EBF2: variants seen among roughly 807,000 people sequenced by gnomAD.
The protein encoded by EBF2 is transcription factor COE2.
A neutral mutation model predicts 72.8 loss-of-function variants in EBF2; 21 were observed. The ratio of observed to expected loss-of-function variants is 0.29; its 90% CI spans 0.20 to 0.42. EBF2 has a LOEUF of 0.42. Ranked by LOEUF, EBF2 falls within the 10% of genes least tolerant of loss-of-function variation. The pLI is 1.00. For synonymous variants in EBF2, 299 were observed against 274.2 expected (o/e 1.09, Z -0.89); for missense variants, 637 against 731.2 (o/e 0.87, Z 1.49).
intron 6 of EBF2, among the ~76,000 whole-genome samples, chr8:26,020,987 G>T (rs1805195660): frequency 6.6e-6 from 1 of 152,192 alleles, no homozygotes; most frequent in Admixed American, 6.5e-5. Context: ...TTAACTCTGT[G>T]CAATTTATCA....
chr8:25,966,389 T>C (rs1804115807), intron 6 of EBF2, among the ~76,000 whole-genome samples: 1 of 152,226 alleles, frequency 6.6e-6, no homozygotes, highest in Non-Finnish European at 1.5e-5. Context: ...ATCCCAAGCC[T>C]GTTCCTAGAA....
intron 7 of EBF2, among the ~76,000 whole-genome samples, chr8:25,894,069 T>C (rs1225476625): frequency 6.6e-6 from 1 of 152,172 alleles, no homozygotes; most frequent in Non-Finnish European, 1.5e-5. Flanking sequence ...ATATCTCAGA[T>C]GGTGAGGTAG....
chr8:26,040,230 C>T, intron 4 of EBF2, 129 bp from the exon 5 acceptor site: 1 of 990,382 alleles, frequency 1.0e-6, no homozygotes. Context: ...GAATTCCCGC[C>T]CGCAGCACAT....
chr8:26,028,136 C>T (rs1407415960), intron 6 of EBF2, among the ~76,000 whole-genome samples: 1 of 152,114 alleles, frequency 6.6e-6, no homozygotes, highest in African/African-American at 2.4e-5. Context: ...TATTTTACCA[C>T]AATTAATTTT....
At chr8:26,042,748 A>G (rs927166573) in intron 1 of EBF2, among the ~76,000 whole-genome samples, 3 of 152,224 alleles carry the variant, frequency 2.0e-5, no homozygotes, top group African/African-American at 7.2e-5. Flanking sequence ...TCGAGTTATC[A>G]GTCCTGGACC....
chr8:25,943,019 C>A (rs563752051), intron 6 of EBF2, among the ~76,000 whole-genome samples: 1 of 152,094 alleles, frequency 6.6e-6, no homozygotes, highest in African/African-American at 2.4e-5. Flanking sequence ...TATTCTAATG[C>A]GAAAGTTCCC....
At chr8:25,917,451 T>C (rs1564916) in intron 6 of EBF2, among the ~76,000 whole-genome samples, 81,336 of 152,054 alleles carry the variant, frequency 0.53, 24,137 homozygotes, top group East Asian at 0.74. Flanking sequence ...TGGAGGGCTC[T>C]TTGCAAAGCA....
At chr8:26,029,708 T>C (rs1228837127) in intron 6 of EBF2, among the ~76,000 whole-genome samples, 1 of 152,096 alleles carries the variant, frequency 6.6e-6, no homozygotes. Flanking sequence ...TAGTTGGCAT[T>C]ATAGGAACAA....
intron 10 of EBF2, among the ~76,000 whole-genome samples, chr8:25,864,405 T>C (rs903835146): frequency 2.0e-5 from 3 of 152,148 alleles, no homozygotes; most frequent in African/African-American, 7.2e-5. Flanking sequence ...TTTTTAATAC[T>C]GTGGTATCAT....
At chr8:25,960,781 G>A (rs914583989) in intron 6 of EBF2, among the ~76,000 whole-genome samples, 9 of 152,222 alleles carry the variant, frequency 5.9e-5, no homozygotes, top group Middle Eastern at 3.4e-3. Flanking sequence ...TTCTCACAGC[G>A]ACAAATCACT....
Position 25,844,162 on chromosome 8 carries a change from T to C in EBF2, c.*447A>G, listed in dbSNP as rs1474206945. On this transcript the variant is annotated 3_prime_UTR_variant, in exon 16 of 16. Transcript: ENST00000520164. ...AGTCTTCCGTGCTGGTACCCTGTTT[T>C]GTTCAATTTTTTTCTGCATAAACTA... 1 of 155,960 alleles carries C rather than the reference T, an allele frequency of 6.4e-6. No individual in the cohort carries two copies. The highest frequency in any genetic ancestry group is 6.3e-5 in the Admixed American group (1 of 15,944). 9.7% of individuals were successfully genotyped at this position (155,960 alleles called of 1,614,324 possible). A position where few individuals can be genotyped will look rare whatever the true frequency, so the allele number is the denominator to read the frequency against.
intron 6 of EBF2, among the ~76,000 whole-genome samples, chr8:26,005,483 A>AT (rs1804851750): frequency 1.3e-5 from 1 of 78,118 alleles, no homozygotes; most frequent in Non-Finnish European, 2.3e-5. Flanking sequence ...TATTATTTAT[A>AT]AAATATATAT....
chr8:25,903,043 T>G (rs1412654890), intron 7 of EBF2, among the ~76,000 whole-genome samples: 1 of 152,146 alleles, frequency 6.6e-6, no homozygotes, highest in Non-Finnish European at 1.5e-5. Context: ...TTGATACCCA[T>G]TTTAGTAGGT....
chr8:26,006,043 A>T (rs1403997533), intron 6 of EBF2, among the ~76,000 whole-genome samples: 5 of 152,158 alleles, frequency 3.3e-5, no homozygotes, highest in Admixed American at 6.5e-5. Context: ...CATTTTCACA[A>T]GGAGCCAAAC....
chr8:25,940,940 T>G (rs1424973242), intron 6 of EBF2, among the ~76,000 whole-genome samples: 1 of 152,198 alleles, frequency 6.6e-6, no homozygotes, highest in Non-Finnish European at 1.5e-5. Context: ...TTTGCAAGGC[T>G]GACAGCAGGG....
At chr8:25,986,875 A>G (rs1440012944) in intron 6 of EBF2, among the ~76,000 whole-genome samples, 1 of 152,192 alleles carries the variant, frequency 6.6e-6, no homozygotes, top group African/African-American at 2.4e-5. Flanking sequence ...AAATAAAATC[A>G]TATAAAGAAG....
At chr8:25,967,918 G>A (rs1022211499) in intron 6 of EBF2, among the ~76,000 whole-genome samples, 1 of 152,188 alleles carries the variant, frequency 6.6e-6, no homozygotes, top group African/African-American at 2.4e-5. Context: ...GTTTCCAGTA[G>A]CCAGGTAAAG....
chr8:25,847,266 C>T (rs547984911), intron 15 of EBF2, among the ~76,000 whole-genome samples: 2 of 152,254 alleles, frequency 1.3e-5, no homozygotes, highest in East Asian at 1.9e-4. Flanking sequence ...CCCCAGCCTG[C>T]GATCACCCAG....
At chr8:25,856,357 A>G (rs910282294) in intron 14 of EBF2, among the ~76,000 whole-genome samples, 1 of 152,200 alleles carries the variant, frequency 6.6e-6, no homozygotes, top group African/African-American at 2.4e-5. Flanking sequence ...CTAATATTAC[A>G]CTATAAATAC....
Sources: gnomAD v4.1 joint callset for allele counts (sites outside exome capture counted in the v4.1 genomes callset) on GRCh38, gnomAD v4.1.1 for gene constraint, MANE v1.5 for transcripts, NCBI Gene and HGNC (gene_info 2026-07-23, HGNC 2026-07-21) for gene names.